RAB3C: variants seen among roughly 807,000 people sequenced by gnomAD.
RAB3C encodes the protein RAB3C, member RAS oncogene family, also known as ras-related protein Rab-3C.
A neutral mutation model predicts 26.4 loss-of-function variants in RAB3C; 17 were observed. The observed-to-expected ratio is 0.64, with a 90% CI of 0.44 to 0.97. The LOEUF (loss-of-function observed/expected upper bound fraction) is 0.97, where lower values mean the gene tolerates loss of function less well. Ranked by LOEUF, RAB3C falls within the 50% of genes least tolerant of loss-of-function variation. RAB3C has a pLI of 0.00. For synonymous variants in RAB3C, 91 were observed against 95.9 expected (o/e 0.95, Z 0.30); for missense variants, 242 against 281.9 (o/e 0.86, Z 1.01).
chr5:58,626,432 CT>C (rs1270318978), intron 2 of RAB3C, among the ~76,000 whole-genome samples: 3 of 152,122 alleles, frequency 2.0e-5, no homozygotes, highest in African/African-American at 7.2e-5. Context: ...ATTGGTGTTA[CT>C]TTTATATTAG....
intron 3 of RAB3C, among the ~76,000 whole-genome samples, chr5:58,787,458 T>G (rs969599252): frequency 2.0e-5 from 3 of 152,200 alleles, no homozygotes; most frequent in African/African-American, 7.2e-5. Flanking sequence ...TCTTTATGTT[T>G]TTCTGTATTT....
At chr5:58,722,665 T>A (rs1740798625) in intron 2 of RAB3C, among the ~76,000 whole-genome samples, 1 of 151,826 alleles carries the variant, frequency 6.6e-6, no homozygotes, top group Non-Finnish European at 1.5e-5. Flanking sequence ...GGTCCTGGCA[T>A]TTTATCCATA....
chr5:58,811,012 A>G (rs1026775528), intron 3 of RAB3C, among the ~76,000 whole-genome samples: 5 of 152,220 alleles, frequency 3.3e-5, no homozygotes, highest in Admixed American at 3.3e-4. Context: ...TTCTAACCAT[A>G]CGGAGGCACA....
chr5:58,677,193 G>A (rs1277677418), intron 2 of RAB3C, among the ~76,000 whole-genome samples: 1 of 152,072 alleles, frequency 6.6e-6, no homozygotes, highest in Non-Finnish European at 1.5e-5. Flanking sequence ...TAGTCATATT[G>A]GATTAAGGAC....
At chr5:58,671,990 G>A (rs918903398) in intron 2 of RAB3C, among the ~76,000 whole-genome samples, 5 of 152,052 alleles carry the variant, frequency 3.3e-5, no homozygotes, top group African/African-American at 1.2e-4. Flanking sequence ...ATACCAATCA[G>A]GTACTCTTCA....
At chr5:58,694,860 T>G (rs1218262360) in intron 2 of RAB3C, among the ~76,000 whole-genome samples, 1 of 152,160 alleles carries the variant, frequency 6.6e-6, no homozygotes, top group Non-Finnish European at 1.5e-5. Context: ...ATTGCAAAAA[T>G]TTTCTCCCAT....
At chr5:58,836,027 A>G (rs2112073301) in intron 4 of RAB3C, among the ~76,000 whole-genome samples, 1 of 152,272 alleles carries the variant, frequency 6.6e-6, no homozygotes. Context: ...AATCACACTA[A>G]CCAAACTCAC....
At chr5:58,664,557 T>C (rs917492858) in intron 2 of RAB3C, among the ~76,000 whole-genome samples, 1 of 152,106 alleles carries the variant, frequency 6.6e-6, no homozygotes, top group Admixed American at 6.6e-5. Context: ...TCTGTAACAT[T>C]TGACTGTATC....
chr5:58,593,494 G>T (rs1458535752), intron 1 of RAB3C, among the ~76,000 whole-genome samples: 2 of 152,080 alleles, frequency 1.3e-5, no homozygotes, highest in African/African-American at 4.8e-5. Context: ...ACATTTCCAT[G>T]TCATTTAATT....
chr5:58,740,274 C>T (rs1341881694), intron 3 of RAB3C, among the ~76,000 whole-genome samples: 1 of 152,114 alleles, frequency 6.6e-6, no homozygotes, highest in African/African-American at 2.4e-5. Flanking sequence ...CTGAATGAGG[C>T]CCTTTCTTAA....
chr5:58,619,305 C>T (rs1746885815), intron 2 of RAB3C, among the ~76,000 whole-genome samples: 1 of 152,122 alleles, frequency 6.6e-6, no homozygotes. Flanking sequence ...AGAAACTTGA[C>T]CTCAATTAAT....
chr5:58,792,514 A>C (rs528710883), intron 3 of RAB3C, among the ~76,000 whole-genome samples: 1 of 152,278 alleles, frequency 6.6e-6, no homozygotes, highest in South Asian at 2.1e-4. Context: ...ATGCAAATGC[A>C]AGGGACTAGT....
At chr5:58,810,671 A>G (rs1408085628) in intron 3 of RAB3C, among the ~76,000 whole-genome samples, 42 of 152,080 alleles carry the variant, frequency 2.8e-4, no homozygotes, top group Non-Finnish European at 5.9e-5. Flanking sequence ...ATTTCCACTC[A>G]CTGCAACCCC....
intron 2 of RAB3C, among the ~76,000 whole-genome samples, chr5:58,697,483 A>AT (rs1244373148): frequency 1.3e-5 from 2 of 152,036 alleles, no homozygotes; most frequent in African/African-American, 4.8e-5. Context: ...ATCCTTGTTA[A>AT]GCTTCTGTCT....
chr5:58,654,297 G>A (rs188869212), intron 2 of RAB3C, among the ~76,000 whole-genome samples: 272 of 152,188 alleles, frequency 1.8e-3, no homozygotes, highest in African/African-American at 6.2e-3. Context: ...AGGTTTTCTT[G>A]GTAGAGGATT....
At chr5:58,804,667 A>G (rs904460213) in intron 3 of RAB3C, among the ~76,000 whole-genome samples, 3 of 149,410 alleles carry the variant, frequency 2.0e-5, no homozygotes, top group Non-Finnish European at 3.0e-5. Flanking sequence ...TGGGGTGCAT[A>G]TGTGTGTGTG....
chr5:58,823,126 T>C (rs940054923), intron 3 of RAB3C: 14 of 421,004 alleles, frequency 3.3e-5, no homozygotes, highest in Admixed American at 1.5e-4. Context: ...ATGATGCAGA[T>C]TACATGCATT....
At chr5:58,735,231 G>A (rs1029844223) in intron 3 of RAB3C, among the ~76,000 whole-genome samples, 6 of 152,166 alleles carry the variant, frequency 3.9e-5, no homozygotes, top group African/African-American at 1.4e-4. Flanking sequence ...CTGTGAAAGG[G>A]CACTTGTTTA....
In RAB3C at chr5:58,760,905, A is replaced by G. The variant is rs993015941; in HGVS notation, c.371+34785A>G. Among the ~76,000 whole-genome samples, 18 of 152,336 alleles carry G rather than the reference A, an allele frequency of 1.2e-4. No homozygotes were observed. The East Asian group carries it at 2.9e-3, about 24-fold the overall frequency. ...TGTAGGCAGTGGAGTCTATTTGCTG[A>G]TGGCAAGACTTCCAGTTAAATAGAT... On this transcript the variant is annotated intron_variant, in intron 3 of 4. Transcript: ENST00000282878.
Sources: allele counts gnomAD v4.1 joint callset (sites outside exome capture counted in the v4.1 genomes callset), GRCh38; gene constraint gnomAD v4.1.1; transcripts MANE v1.5; gene names NCBI Gene and HGNC (gene_info 2026-07-23, HGNC 2026-07-21).